Variants in SMURF2 observed in about 807,000 individuals in gnomAD.
SMURF2 encodes the protein E3 ubiquitin-protein ligase SMURF2.
A neutral mutation model predicts 109.6 loss-of-function variants in SMURF2; 48 were observed. That is an observed-to-expected ratio of 0.44 (90% CI 0.35 to 0.56). The LOEUF (loss-of-function observed/expected upper bound fraction) is 0.56, where lower values mean the gene tolerates loss of function less well. Among genes scored for constraint, SMURF2 ranks in the 20% least tolerant of loss-of-function variants. The probability of loss-of-function intolerance (pLI) is 0.01; values close to 1 mark genes in which losing one functional copy is unlikely to be tolerated. For synonymous variants in SMURF2, 288 were observed against 317.1 expected (o/e 0.91, Z 0.97); for missense variants, 575 against 909.0 (o/e 0.63, Z 4.72).
chr17:64,590,000 TTCTC>T (rs1969727466), intron 5 of SMURF2, among the ~76,000 whole-genome samples: 1 of 152,082 alleles, frequency 6.6e-6, no homozygotes, highest in Admixed American at 6.5e-5. Flanking sequence ...ACTCTGATGG[TTCTC>T]TAACTATGAA....
chr17:64,566,033 C>T (rs1400724974), intron 10 of SMURF2, among the ~76,000 whole-genome samples: 6 of 151,814 alleles, frequency 4.0e-5, no homozygotes, highest in Non-Finnish European at 5.9e-5. Context: ...AATAGATGTA[C>T]CAAATAAGGT....
rs1157721982 is a variant in SMURF2 at position 64,577,941 on chromosome 17, C to CTT, written c.857+549_857+550dup. Reference sequence around the variant, plus strand: ...CTAAAAGATCCATGTTTTCATTCCACTTTTTTTTTTTTTTTTTTTTTTGAG... The same window carrying CTT: ...CTAAAAGATCCATGTTTTCATTCCACTTTTTTTTTTTTTTTTTTTTTTTTGAG... On this transcript the variant is annotated intron_variant, in intron 9 of 18. Transcript: ENST00000262435. 5.2e-3 allele frequency among the ~76,000 whole-genome samples: 627 copies of CTT among 121,170 alleles called. 7 individuals carry two copies. The highest frequency in any genetic ancestry group is 0.01 in the East Asian group (45 of 4,414). The allele number at this position is 121,170 out of a possible 152,430, so 79.5% of individuals were successfully genotyped here. A position where few individuals can be genotyped will look rare whatever the true frequency, so the allele number is the denominator to read the frequency against.
chr17:64,638,762 G>A (rs1393591501), intron 1 of SMURF2, among the ~76,000 whole-genome samples: 2 of 152,148 alleles, frequency 1.3e-5, no homozygotes, highest in African/African-American at 2.4e-5. Context: ...AGCTATGCAC[G>A]TTTATGTCAC....
intron 1 of SMURF2, among the ~76,000 whole-genome samples, chr17:64,607,098 T>C (rs1969981319): frequency 6.6e-6 from 1 of 151,416 alleles, no homozygotes; most frequent in South Asian, 2.1e-4. Context: ...AATAACATTC[T>C]GTTCTCCATC....
Position 64,562,968 on chromosome 17 carries a change from T to C in SMURF2, c.1017-2A>G. ...TGGTCTTTCAATTGGTTCTGCCGAC[T>C]AGAAGTAAACATAGATGTTATTATT... On this transcript the variant is annotated splice_acceptor_variant, in intron 10 of 18. Transcript: ENST00000262435. LOFTEE classifies it high-confidence loss of function. 1 of 1,609,890 alleles carries C rather than the reference T, an allele frequency of 6.2e-7. No homozygotes were observed. The highest frequency in any genetic ancestry group is 8.5e-7 in the Non-Finnish European group (1 of 1,177,764).
At position 64,542,686 on chromosome 17, in the gene SMURF2, C is replaced by T. The variant is rs1239300524; in HGVS notation, c.*3162G>A. ...AGGATGGTTGGAACAGCCTCTAACTCCCAACAATCCAATCAGTCCAATGCA... is the reference window on the plus strand; with the variant it reads ...AGGATGGTTGGAACAGCCTCTAACTTCCAACAATCCAATCAGTCCAATGCA... On this transcript the variant is annotated 3_prime_UTR_variant, in exon 19 of 19. Coordinates refer to ENST00000262435, the MANE Select transcript of SMURF2 (RefSeq NM_022739.4). The T allele has an allele frequency of 1.3e-5, 2 of 152,104 alleles. No individual in the cohort carries two copies. Among genetic ancestry groups the T allele is most frequent in the Non-Finnish European group, 2.9e-5 (2 of 68,038 alleles). 9.4% of individuals were successfully genotyped at this position (152,104 alleles called of 1,614,324 possible). A position where few individuals can be genotyped will look rare whatever the true frequency, so the allele number is the denominator to read the frequency against.
At chr17:64,630,363 G>A (rs1172929272) in intron 1 of SMURF2, among the ~76,000 whole-genome samples, 3 of 152,126 alleles carry the variant, frequency 2.0e-5, no homozygotes, top group African/African-American at 7.2e-5. Flanking sequence ...CACTTCATTT[G>A]AGAGATTACC....
At chr17:64,652,476 T>G (rs1378612377) in intron 1 of SMURF2, among the ~76,000 whole-genome samples, 1 of 152,114 alleles carries the variant, frequency 6.6e-6, no homozygotes, top group African/African-American at 2.4e-5. Context: ...CTATGTATAC[T>G]GTCAACTGAT....
chr17:64,548,387 TTAA>T (rs1337316019), intron 16 of SMURF2, among the ~76,000 whole-genome samples: 1 of 152,048 alleles, frequency 6.6e-6, no homozygotes, highest in African/African-American at 2.4e-5. Context: ...TACAATTTGC[TTAA>T]TAATTTTTTT....
chr17:64,583,656 T>C (rs1555686805), intron 6 of SMURF2, 112 bp from the exon 7 acceptor site: 1 of 720,882 alleles, frequency 1.4e-6, no homozygotes. Context: ...ACCCGAAGTA[T>C]CAATTCACAG....
chr17:64,596,585 CAAAAAAAAAAAA>C (rs201858792), intron 3 of SMURF2, among the ~76,000 whole-genome samples: 7 of 45,472 alleles, frequency 1.5e-4, no homozygotes, highest in South Asian at 1.0e-3. Context: ...GGAGAGTAAA[CAAAAAAAAAAAA>C]AAAAAAAAAA....
At position 64,543,308 on chromosome 17, in the gene SMURF2, C is replaced by G. The variant is rs1329742146; in HGVS notation, c.*2540G>C. 2 of 146,654 alleles carry G rather than the reference C, an allele frequency of 1.4e-5. No homozygotes were observed. Among genetic ancestry groups the G allele is most frequent in the East Asian group, 4.0e-4 (2 of 5,060 alleles). 9.1% of individuals were successfully genotyped at this position (146,654 alleles called of 1,614,324 possible). On this transcript the variant is annotated 3_prime_UTR_variant, in exon 19 of 19. Coordinates refer to ENST00000262435, the MANE Select transcript of SMURF2 (RefSeq NM_022739.4). ...TTTTGGGCGGGGACGGAGTCTCACTCTTGTCGCCCAGGCTGGAGTGCAGTG... is the reference window on the plus strand; with the variant it reads ...TTTTGGGCGGGGACGGAGTCTCACTGTTGTCGCCCAGGCTGGAGTGCAGTG...
chr17:64,646,322 T>G (rs926197004), intron 1 of SMURF2, among the ~76,000 whole-genome samples: 5 of 151,766 alleles, frequency 3.3e-5, no homozygotes, highest in African/African-American at 1.2e-4. Context: ...CGCCTCAGCC[T>G]CCCAAAGTGC....
intron 2 of SMURF2, among the ~76,000 whole-genome samples, chr17:64,601,020 G>A (rs1425152014): frequency 3.9e-5 from 6 of 151,984 alleles, no homozygotes; most frequent in Non-Finnish European, 7.4e-5. Context: ...AGGCTGAGGC[G>A]AAAGGATCAC....
rs139987212 is a variant in SMURF2 at position 64,601,308 on chromosome 17, T to C, written c.92-2818A>G. Reference sequence around the variant, plus strand: ...AAAACAACAGCTGACAAAGGACTAATATCCAGAATCTATAAAGTACTCAAA... The same window carrying C: ...AAAACAACAGCTGACAAAGGACTAACATCCAGAATCTATAAAGTACTCAAA... On this transcript the variant is annotated intron_variant, in intron 2 of 18. Transcript: ENST00000262435. Among the ~76,000 whole-genome samples the C allele has an allele frequency of 2.5e-3, 377 of 152,088 alleles. 1 individual carries two copies. The highest frequency in any genetic ancestry group is 8.7e-3 in the African/African-American group (360 of 41,498).
At chr17:64,583,211 C>T (rs782177820) in intron 7 of SMURF2, among the ~76,000 whole-genome samples, 17 of 152,138 alleles carry the variant, frequency 1.1e-4, no homozygotes, top group Non-Finnish European at 1.3e-4. Flanking sequence ...TGAGCCACCA[C>T]GCCCTGCCTC....
intron 1 of SMURF2, among the ~76,000 whole-genome samples, chr17:64,627,849 T>A (rs1387881566): frequency 6.6e-6 from 1 of 152,218 alleles, no homozygotes; most frequent in African/African-American, 2.4e-5. Context: ...TTTTCTAATA[T>A]GGAAAAGGAC....
chr17:64,649,563 C>G (rs57831736), intron 1 of SMURF2, among the ~76,000 whole-genome samples: 5,488 of 152,088 alleles, frequency 0.036, 331 homozygotes, highest in African/African-American at 0.13. Context: ...ATATTGAGGC[C>G]GGGTGCAGTG....
At chr17:64,613,633 C>T (rs1156795658) in intron 1 of SMURF2, among the ~76,000 whole-genome samples, 2 of 142,760 alleles carry the variant, frequency 1.4e-5, no homozygotes, top group African/African-American at 5.2e-5. Context: ...CTTTTTGGCA[C>T]CAGGGATTGG....
Sources: allele counts gnomAD v4.1 joint callset (sites outside exome capture counted in the v4.1 genomes callset), GRCh38; gene constraint gnomAD v4.1.1; transcripts MANE v1.5; gene names NCBI Gene and HGNC (gene_info 2026-07-23, HGNC 2026-07-21).